REV1: variants seen among roughly 807,000 people sequenced by gnomAD.
The protein encoded by REV1 is REV1 DNA directed polymerase.
In REV1, 42 loss-of-function variants were observed where a neutral mutation model predicts 137.4. The observed-to-expected ratio is 0.31, with a 90% CI of 0.24 to 0.40. The LOEUF (loss-of-function observed/expected upper bound fraction) is 0.40. Among genes scored for constraint, REV1 ranks in the 10% least tolerant of loss-of-function variants. The pLI is 1.00. For synonymous variants in REV1, 524 were observed against 519.2 expected (o/e 1.01, Z -0.12); for missense variants, 1,282 against 1,490.1 (o/e 0.86, Z 2.30).
At position 99,489,853 on chromosome 2, in the gene REV1, G is replaced by C. The variant is rs1403650441; in HGVS notation, c.-47C>G. The C allele has an allele frequency of 6.7e-6, 1 of 149,808 alleles. No individual in the cohort carries two copies. The highest frequency in any genetic ancestry group is 2.0e-4 in the East Asian group (1 of 5,052). 9.3% of individuals were successfully genotyped at this position (149,808 alleles called of 1,614,324 possible). The stretch of plus-strand genomic sequence containing the variant: ...CCCCAGACCACCATGCCCGGGCCCG[G>C]CGGCCTTCTCCGGCCTTGCGGACCC... On this transcript the variant is annotated 5_prime_UTR_variant, in exon 1 of 23. Transcript: ENST00000258428.
chr2:99,418,152 C>A (rs1293506316), intron 12 of REV1, among the ~76,000 whole-genome samples: 1 of 150,998 alleles, frequency 6.6e-6, no homozygotes, highest in Non-Finnish European at 1.5e-5. Flanking sequence ...ACTAAATCTA[C>A]TTTTAACAAA....
At position 99,419,298 on chromosome 2, in the gene REV1, C is replaced by T. The variant is rs28382937; in HGVS notation, c.1832-351G>A. On this transcript the variant is annotated intron_variant, in intron 11 of 22. Coordinates refer to ENST00000258428, the MANE Select transcript of REV1 (RefSeq NM_016316.4). ...TGTGATCTCAGCTCACTGCAAGTTC[C>T]GCCTCCTGGGCTCCAGCCATTCTCC... 4.7e-5 allele frequency among the ~76,000 whole-genome samples: 7 copies of T among 148,506 alleles called. No individual in the cohort carries two copies. The East Asian group carries it at 8.0e-4, about 17-fold the overall frequency.
chr2:99,435,281 G>T (rs1680599555), intron 7 of REV1, among the ~76,000 whole-genome samples: 2 of 152,128 alleles, frequency 1.3e-5, no homozygotes, highest in East Asian at 1.9e-4. Context: ...TCAGACAGAG[G>T]TAAACACTGA....
At chr2:99,436,998 T>TG (rs577779284) in intron 6 of REV1, among the ~76,000 whole-genome samples, 3 of 151,130 alleles carry the variant, frequency 2.0e-5, no homozygotes, top group Non-Finnish European at 4.4e-5. Context: ...TTGTTTTTTT[T>TG]TTTTTTTTGA....
At chr2:99,417,527 G>A (rs1678065210) in intron 12 of REV1, among the ~76,000 whole-genome samples, 1 of 152,272 alleles carries the variant, frequency 6.6e-6, no homozygotes. Flanking sequence ...AATCCAACAT[G>A]ACTGGTATCC....
intron 1 of REV1, among the ~76,000 whole-genome samples, chr2:99,472,281 T>C (rs955602418): frequency 5.9e-5 from 9 of 152,224 alleles, no homozygotes; most frequent in Non-Finnish European, 1.5e-5. Flanking sequence ...GAAGGCATTA[T>C]GGTAAGTGAA....
chr2:99,469,920 G>C (rs1685212603), intron 1 of REV1, among the ~76,000 whole-genome samples: 2 of 152,090 alleles, frequency 1.3e-5, no homozygotes, highest in South Asian at 4.2e-4. Context: ...AGGAGATCGA[G>C]ACCATACTGG....
At chr2:99,467,051 C>T (rs1014974958) in intron 1 of REV1, among the ~76,000 whole-genome samples, 1 of 152,016 alleles carries the variant, frequency 6.6e-6, no homozygotes, top group Non-Finnish European at 1.5e-5. Flanking sequence ...AACACATACC[C>T]CGATAATTAA....
chr2:99,413,842 C>T (rs1293986726), intron 12 of REV1, among the ~76,000 whole-genome samples: 4 of 152,168 alleles, frequency 2.6e-5, no homozygotes, highest in Non-Finnish European at 5.9e-5. Context: ...GAGGAAAAGA[C>T]AGCGTTGTGT....
chr2:99,485,099 T>C (rs531299119), intron 1 of REV1, among the ~76,000 whole-genome samples: 1 of 152,322 alleles, frequency 6.6e-6, no homozygotes, highest in South Asian at 2.1e-4. Context: ...TAGGATCCTA[T>C]TACTTGTTAA....
intron 21 of REV1, 89 bp downstream of exon 21, chr2:99,402,555 T>G: frequency 7.6e-7 from 1 of 1,311,894 alleles, no homozygotes; most frequent in Non-Finnish European, 1.1e-6. Context: ...AGAAATGGGT[T>G]AAATCTGCAT....
chr2:99,402,223 A>T (rs776481455), intron 22 of REV1, 21 bp downstream of exon 22: 1 of 1,040,854 alleles, frequency 9.6e-7, no homozygotes, highest in Non-Finnish European at 1.4e-6. Context: ...TTCCCATTTG[A>T]TAAAAGTGAT....
chr2:99,442,274 A>AAAAAAC, intron 5 of REV1, 43 bp downstream of exon 5: 1 of 1,498,156 alleles, frequency 6.7e-7, no homozygotes, highest in African/African-American at 1.4e-5. Flanking sequence ...AAAAAAAAAA[A>AAAAAAC]AACCAACCAG....
At chr2:99,407,080 CTTT>C (rs869170472) in intron 15 of REV1, among the ~76,000 whole-genome samples, 20 of 60,046 alleles carry the variant, frequency 3.3e-4, no homozygotes, top group Non-Finnish European at 4.7e-4. Flanking sequence ...TACAAAGGTT[CTTT>C]TTTTTTTTTT....
At chr2:99,474,418 T>C (rs945634787) in intron 1 of REV1, among the ~76,000 whole-genome samples, 1 of 152,200 alleles carries the variant, frequency 6.6e-6, no homozygotes, top group African/African-American at 2.4e-5. Flanking sequence ...ATGGTATCAA[T>C]ATGAACTGCT....
chr2:99,404,812 G>A, intron 17 of REV1, 135 bp from the exon 18 acceptor site: 5 of 689,952 alleles, frequency 7.2e-6, no homozygotes, highest in South Asian at 1.7e-5. Context: ...ATCAAGCTAG[G>A]AAAGCCACCT....
chr2:99,415,089 A>G (rs3792152), intron 12 of REV1, among the ~76,000 whole-genome samples: 93,656 of 151,912 alleles, frequency 0.62, 29,649 homozygotes, highest in African/African-American at 0.74. Context: ...GAGGCAGGGC[A>G]TGTGGTGTAC....
chr2:99,460,800 G>A (rs1262743232), intron 3 of REV1, among the ~76,000 whole-genome samples: 1 of 151,430 alleles, frequency 6.6e-6, no homozygotes, highest in Non-Finnish European at 1.5e-5. Context: ...CTGCAGAAAA[G>A]GATAGAGATA....
At chr2:99,452,263 A>G (rs1198392077) in intron 3 of REV1, among the ~76,000 whole-genome samples, 1 of 151,936 alleles carries the variant, frequency 6.6e-6, no homozygotes, top group African/African-American at 2.4e-5. Context: ...TGTCTCTACA[A>G]AATATGGAAA....
Sources: gnomAD v4.1 joint callset for allele counts (sites outside exome capture counted in the v4.1 genomes callset) on GRCh38, gnomAD v4.1.1 for gene constraint, MANE v1.5 for transcripts, NCBI Gene and HGNC (gene_info 2026-07-23, HGNC 2026-07-21) for gene names.